EPB41L4B: variants seen among roughly 807,000 people sequenced by gnomAD.
EPB41L4B encodes the protein erythrocyte membrane protein band 4.1 like 4B.
A neutral mutation model predicts 112.5 loss-of-function variants in EPB41L4B; 30 were observed. The ratio of observed to expected loss-of-function variants is 0.27; its 90% CI spans 0.20 to 0.36. The LOEUF (loss-of-function observed/expected upper bound fraction) is 0.36. EPB41L4B is among the 10% of genes least tolerant of loss of function. The probability of loss-of-function intolerance (pLI) is 1.00; values close to 1 mark genes in which losing one functional copy is unlikely to be tolerated. For missense variants in EPB41L4B, 1,024 were observed against 1,133.3 expected (o/e 0.90, Z 1.38); for synonymous variants, 408 against 439.7 (o/e 0.93, Z 0.90).
intron 6 of EPB41L4B, among the ~76,000 whole-genome samples, chr9:109,262,218 T>A (rs898639439): frequency 2.0e-5 from 3 of 152,156 alleles, no homozygotes; most frequent in Non-Finnish European, 4.4e-5. Flanking sequence ...GCTTCCAGTC[T>A]GACCTCTCTG....
At position 109,258,907 on chromosome 9, in the gene EPB41L4B, T is replaced by C. The variant is rs190032723; in HGVS notation, c.632-610A>G. On this transcript the variant is annotated intron_variant, in intron 6 of 25. Coordinates refer to ENST00000374566, the MANE Select transcript of EPB41L4B (RefSeq NM_019114.5). ...GAGGGAGGAGCAGCCACACGAGTGA[T>C]CCGAGCAAGAAGCCCAATTTGTGCT... is the stretch of plus-strand genomic sequence containing the variant. Among the ~76,000 whole-genome samples, 3 of 152,194 alleles carry C rather than the reference T, an allele frequency of 2.0e-5. No individual in the cohort carries two copies. In the East Asian group the frequency reaches 5.8e-4, roughly 29 times the overall value.
chr9:109,204,058 C>T (rs1832917721), intron 18 of EPB41L4B, among the ~76,000 whole-genome samples: 1 of 152,194 alleles, frequency 6.6e-6, no homozygotes, highest in Non-Finnish European at 1.5e-5. Flanking sequence ...TAATCCTTCA[C>T]CTCACAGTTT....
intron 1 of EPB41L4B, among the ~76,000 whole-genome samples, chr9:109,307,793 T>C (rs1837266173): frequency 6.6e-6 from 1 of 152,088 alleles, no homozygotes; most frequent in Admixed American, 6.5e-5. Context: ...CCAGCTCTCA[T>C]GTGCCAGGGT....
Position 109,320,234 on chromosome 9 carries a change from C to A in EPB41L4B, c.213G>T (p.Ala71=). 7.7e-7 allele frequency: 1 copy of A among 1,294,326 alleles called. No homozygotes were observed. The highest frequency in any genetic ancestry group is 9.8e-7 in the Non-Finnish European group (1 of 1,017,480). The allele number at this position is 1,294,326 out of a possible 1,614,324, so 80.2% of individuals were successfully genotyped here. The change falls in exon 1 of 26, where the codon GCG becomes GCT. Residue 71 remains alanine, a synonymous_variant. Transcript: ENST00000374566. The part of the protein sequence containing the change: ...AGGGPLLTGG[A]AVHISAAGAA... ...CGCCGGCGGCGGAGATGTGCACGGC[C>A]GCGCCGCCGGTGAGCAGGGGCCCGC...
chr9:109,288,239 T>C (rs567038315), intron 1 of EPB41L4B, among the ~76,000 whole-genome samples: 1 of 152,290 alleles, frequency 6.6e-6, no homozygotes, highest in African/African-American at 2.4e-5. Context: ...CACCAGTCAC[T>C]GAATCTACTG....
At chr9:109,198,946 A>C (rs1832733548) in intron 20 of EPB41L4B, among the ~76,000 whole-genome samples, 1 of 150,012 alleles carries the variant, frequency 6.7e-6, no homozygotes, top group Non-Finnish European at 1.5e-5. Context: ...AAAAAAAGGG[A>C]AATACCATTG....
chr9:109,279,829 A>G lies in EPB41L4B; in HGVS notation c.399T>C (p.Ser133=), dbSNP rs912541034. 6.2e-7 allele frequency: 1 copy of G among 1,613,958 alleles called. No homozygotes were observed. The highest frequency in any genetic ancestry group is 8.5e-7 in the Non-Finnish European group (1 of 1,179,960). The part of the protein sequence containing the change: ...TDYFGLQFLD[S]AQVAHWLDHA... ...AGCAATAACCTACCGCAACCTGGGC[A>G]GAGTCGAGGAACTGGAGGCCAAAGT... is the stretch of plus-strand genomic sequence containing the variant. Residue 133 remains serine, a synonymous_variant, in exon 2 of 26, where the codon TCT becomes TCC. Coordinates refer to ENST00000374566, the MANE Select transcript of EPB41L4B (RefSeq NM_019114.5).
intron 20 of EPB41L4B, among the ~76,000 whole-genome samples, chr9:109,194,623 T>C (rs192432633): frequency 1.3e-5 from 2 of 152,076 alleles, no homozygotes; most frequent in African/African-American, 2.4e-5. Context: ...TTTTGTTTTG[T>C]TGGTAAAATA....
chr9:109,285,178 C>T (rs1836223600), intron 1 of EPB41L4B, among the ~76,000 whole-genome samples: 1 of 152,274 alleles, frequency 6.6e-6, no homozygotes, highest in Non-Finnish European at 1.5e-5. Flanking sequence ...TGGTTCTGGG[C>T]TGACCATCCC....
At chr9:109,224,630 C>T (rs1340216574) in intron 15 of EPB41L4B, among the ~76,000 whole-genome samples, 3 of 151,972 alleles carry the variant, frequency 2.0e-5, no homozygotes, top group Admixed American at 2.0e-4. Context: ...TATATTGCAG[C>T]GATGGTTGCA....
chr9:109,202,835 T>C (rs879541736), intron 19 of EPB41L4B, among the ~76,000 whole-genome samples: 12 of 152,204 alleles, frequency 7.9e-5, no homozygotes, highest in Admixed American at 2.0e-4. Flanking sequence ...CAGATCCAAG[T>C]TACACTTGTA....
intron 17 of EPB41L4B, among the ~76,000 whole-genome samples, chr9:109,212,606 CT>C: frequency 6.6e-6 from 1 of 152,206 alleles, no homozygotes; most frequent in African/African-American, 2.4e-5. Context: ...GAGGTGTAAC[CT>C]TCCCATGCTG....
At chr9:109,195,552 C>T (rs890665671) in intron 20 of EPB41L4B, among the ~76,000 whole-genome samples, 3 of 152,168 alleles carry the variant, frequency 2.0e-5, no homozygotes, top group East Asian at 3.8e-4. Context: ...ATGGGTTACA[C>T]GTTCATTCAC....
chr9:109,297,601 C>A (rs937273829), intron 1 of EPB41L4B, among the ~76,000 whole-genome samples: 2 of 152,242 alleles, frequency 1.3e-5, no homozygotes, highest in African/African-American at 4.8e-5. Flanking sequence ...AGGGCCTCTG[C>A]CCAGGACCTC....
chr9:109,208,582 G>T (rs891586842), intron 17 of EPB41L4B, among the ~76,000 whole-genome samples: 18 of 152,096 alleles, frequency 1.2e-4, no homozygotes, highest in African/African-American at 4.1e-4. Flanking sequence ...TATAATTTTT[G>T]CCATATCTCA....
At chr9:109,318,720 T>A (rs1217739036) in intron 1 of EPB41L4B, among the ~76,000 whole-genome samples, 1 of 152,176 alleles carries the variant, frequency 6.6e-6, no homozygotes, top group Admixed American at 6.5e-5. Flanking sequence ...GTAACATTTT[T>A]ATGCTATTTT....
chr9:109,284,933 A>G (rs1836213683), intron 1 of EPB41L4B, among the ~76,000 whole-genome samples: 1 of 152,240 alleles, frequency 6.6e-6, no homozygotes, highest in South Asian at 2.1e-4. Context: ...GTTAAGTAAC[A>G]CTTTTAGCAG....
At chr9:109,229,996 T>C (rs1236402611) in intron 15 of EPB41L4B, among the ~76,000 whole-genome samples, 1 of 152,190 alleles carries the variant, frequency 6.6e-6, no homozygotes. Flanking sequence ...ACTCAAGTAG[T>C]GTGTTTTTAC....
intron 12 of EPB41L4B, among the ~76,000 whole-genome samples, chr9:109,253,147 T>C (rs1250683018): frequency 1.3e-5 from 2 of 152,200 alleles, no homozygotes; most frequent in African/African-American, 2.4e-5. Flanking sequence ...CCCTGTGATA[T>C]TCCTGAGGTA....
Sources: allele counts gnomAD v4.1 joint callset (sites outside exome capture counted in the v4.1 genomes callset), GRCh38; gene constraint gnomAD v4.1.1; transcripts MANE v1.5; gene names NCBI Gene and HGNC (gene_info 2026-07-23, HGNC 2026-07-21).